The following ANKS1B variants were observed in gnomAD, a reference collection of about 807,000 sequenced individuals.
The protein encoded by ANKS1B is ankyrin repeat and sterile alpha motif domain-containing protein 1B.
A neutral mutation model predicts 148.3 loss-of-function variants in ANKS1B; 36 were observed. That is an observed-to-expected ratio of 0.24 (90% CI 0.19 to 0.32). The LOEUF (loss-of-function observed/expected upper bound fraction) is 0.32, where lower values mean the gene tolerates loss of function less well. Among genes scored for constraint, ANKS1B ranks in the 10% least tolerant of loss-of-function variants. The probability of loss-of-function intolerance (pLI) is 1.00; values close to 1 mark genes in which losing one functional copy is unlikely to be tolerated. For synonymous variants in ANKS1B, 542 were observed against 560.8 expected, an observed-to-expected ratio of 0.97 and a Z score of 0.47; for missense variants, 1,157 against 1,542.6, an observed-to-expected ratio of 0.75 and a Z score of 4.19.
At chr12:99,390,884 G>T (rs1438832646) in intron 12 of ANKS1B, among the ~76,000 whole-genome samples, 1 of 152,240 alleles carries the variant, frequency 6.6e-6, no homozygotes, top group African/African-American at 2.4e-5. Context: ...GGCTAGGAAA[G>T]ACAGATGGCC....
At chr12:98,785,331 A>T (rs1239203097) in intron 22 of ANKS1B, among the ~76,000 whole-genome samples, 2 of 152,072 alleles carry the variant, frequency 1.3e-5, no homozygotes. Flanking sequence ...TTAACCAGGC[A>T]TGGTGGTGGG....
intron 8 of ANKS1B, among the ~76,000 whole-genome samples, chr12:99,744,673 C>T (rs879680383): frequency 3.3e-5 from 5 of 152,068 alleles, no homozygotes; most frequent in Non-Finnish European, 2.9e-5. Context: ...ATGGAAAAGG[C>T]GTTACAAACA....
At chr12:98,827,632 T>C (rs1424210909) in intron 19 of ANKS1B, among the ~76,000 whole-genome samples, 2 of 152,188 alleles carry the variant, frequency 1.3e-5, no homozygotes, top group African/African-American at 4.8e-5. Context: ...TGAGTGTTTA[T>C]ACATAGGTAG....
intron 12 of ANKS1B, among the ~76,000 whole-genome samples, chr12:99,258,168 T>G (rs1168126819): frequency 6.6e-6 from 1 of 152,224 alleles, no homozygotes; most frequent in Non-Finnish European, 1.5e-5. Context: ...ATTTGTACCC[T>G]ACTACATAGG....
Position 99,256,967 on chromosome 12 carries a change from C to T in ANKS1B, c.1757-10103G>A, listed in dbSNP as rs186194776. Reference sequence around the variant, plus strand: ...TTTAAAAAAATTATTTCATCCCGGCCGGGTGCAGTGGCTCATGCCGTAATC... The same window carrying T: ...TTTAAAAAAATTATTTCATCCCGGCTGGGTGCAGTGGCTCATGCCGTAATC... On this transcript the variant is annotated intron_variant, in intron 12 of 26. Transcript: ENST00000683438. Among the ~76,000 whole-genome samples, 967 of 152,144 alleles carry T rather than the reference C, an allele frequency of 6.4e-3. 9 individuals carry two copies. The highest frequency in any genetic ancestry group is 0.021 in the African/African-American group (873 of 41,522).
At chr12:99,351,964 G>T (rs2091469675) in intron 12 of ANKS1B, 1 of 151,952 alleles carries the variant, frequency 6.6e-6, no homozygotes, top group Non-Finnish European at 1.5e-5. Flanking sequence ...TTGAACATAG[G>T]AGAAAGCATA....
intron 22 of ANKS1B, among the ~76,000 whole-genome samples, chr12:98,785,962 C>T (rs1003778141): frequency 9.9e-5 from 15 of 152,152 alleles, no homozygotes; most frequent in Admixed American, 7.9e-4. Context: ...CTATGCCATG[C>T]TCTTTGTGGC....
At chr12:99,140,791 C>T (rs1278496718) in intron 15 of ANKS1B, among the ~76,000 whole-genome samples, 4 of 152,082 alleles carry the variant, frequency 2.6e-5, no homozygotes, top group African/African-American at 9.7e-5. Flanking sequence ...TTACAAATAT[C>T]AAATGAGCCC....
intron 19 of ANKS1B, among the ~76,000 whole-genome samples, chr12:98,825,436 G>GT (rs748823699): frequency 4.9e-4 from 74 of 151,232 alleles, no homozygotes; most frequent in Admixed American, 1.2e-3. Context: ...AGGTAATACT[G>GT]CTTTTTTTTA....
intron 14 of ANKS1B, among the ~76,000 whole-genome samples, chr12:99,161,743 G>C (rs2076679840): frequency 6.6e-6 from 1 of 152,166 alleles, no homozygotes; most frequent in African/African-American, 2.4e-5. Flanking sequence ...TTTAATTGGA[G>C]CAGACTCTGG....
At chr12:98,768,064 T>G (rs2098509289) in intron 25 of ANKS1B, among the ~76,000 whole-genome samples, 1 of 152,176 alleles carries the variant, frequency 6.6e-6, no homozygotes, top group South Asian at 2.1e-4. Flanking sequence ...CTTCCCCAAG[T>G]TCTCACTGCC....
At chr12:98,764,308 C>A (rs536588101) in intron 25 of ANKS1B, among the ~76,000 whole-genome samples, 1 of 152,310 alleles carries the variant, frequency 6.6e-6, no homozygotes, top group South Asian at 2.1e-4. Flanking sequence ...CTCACTGCAA[C>A]CTTCGCCTCC....
intron 9 of ANKS1B, among the ~76,000 whole-genome samples, chr12:99,586,438 GA>G (rs2097641147): frequency 6.6e-6 from 1 of 152,140 alleles, no homozygotes; most frequent in Non-Finnish European, 1.5e-5. Flanking sequence ...CAAGTCTCTA[GA>G]AAGTTCCAAG....
At chr12:99,384,737 T>C (rs915506508) in intron 12 of ANKS1B, among the ~76,000 whole-genome samples, 5 of 152,146 alleles carry the variant, frequency 3.3e-5, no homozygotes, top group African/African-American at 1.2e-4. Context: ...ACTCGTTTTG[T>C]GAAACCATCT....
At chr12:99,864,018 T>C (rs576175637) in intron 1 of ANKS1B, among the ~76,000 whole-genome samples, 1 of 146,808 alleles carries the variant, frequency 6.8e-6, no homozygotes, top group African/African-American at 2.5e-5. Context: ...GAGTTGGAGG[T>C]TGCAGTGAGC....
At chr12:99,869,188 C>G (rs1229724662) in intron 1 of ANKS1B, among the ~76,000 whole-genome samples, 1 of 151,912 alleles carries the variant, frequency 6.6e-6, no homozygotes, top group Admixed American at 6.6e-5. Flanking sequence ...ATCAAAGTCC[C>G]AGCAGAATTT....
At chr12:99,924,346 G>A (rs1238814708) in intron 1 of ANKS1B, among the ~76,000 whole-genome samples, 1 of 152,094 alleles carries the variant, frequency 6.6e-6, no homozygotes, top group Non-Finnish European at 1.5e-5. Context: ...ATTAAAGGAT[G>A]ACATTACTCA....
intron 9 of ANKS1B, among the ~76,000 whole-genome samples, chr12:99,621,461 GA>G (rs199847091): frequency 0.15 from 17,192 of 112,684 alleles, 1,772 homozygotes; most frequent in African/African-American, 0.32. Flanking sequence ...AGGCAAATTG[GA>G]AAAAAAAAAA....
rs192348152 is a variant in ANKS1B at position 99,238,839 on chromosome 12, A to G, written c.2419+5503T>C. 2.2e-4 allele frequency among the ~76,000 whole-genome samples: 33 copies of G among 152,324 alleles called. No homozygotes were observed. In the East Asian group the frequency reaches 4.8e-3, roughly 22 times the overall value. On this transcript the variant is annotated intron_variant, in intron 14 of 26. Transcript: ENST00000683438. ...GCTGAGGGGCTTGACTGTTAGAAGG[A>G]AAACTAATAAACAGAAAGGAATAGC... is the stretch of plus-strand genomic sequence containing the variant.
Sources: gnomAD v4.1 joint callset for allele counts (sites outside exome capture counted in the v4.1 genomes callset) on GRCh38, gnomAD v4.1.1 for gene constraint, MANE v1.5 for transcripts, NCBI Gene and HGNC (gene_info 2026-07-23, HGNC 2026-07-21) for gene names.